The following LUZP1 variants were observed in gnomAD, a reference collection of about 807,000 sequenced individuals.
The protein encoded by LUZP1 is leucine zipper protein 1.
LUZP1 carries 25 observed loss-of-function variants against 71.3 expected under a neutral mutation model. The ratio of observed to expected loss-of-function variants is 0.35; its 90% CI spans 0.26 to 0.49. The LOEUF (loss-of-function observed/expected upper bound fraction) is 0.49, where lower values mean the gene tolerates loss of function less well. LUZP1 is among the 20% of genes least tolerant of loss of function. The pLI is 0.99. For synonymous variants in LUZP1, 481 were observed against 506.4 expected, an observed-to-expected ratio of 0.95 and a Z score of 0.67; for missense variants, 1,142 against 1,300.8, an observed-to-expected ratio of 0.88 and a Z score of 1.88.
intron 2 of LUZP1, among the ~76,000 whole-genome samples, chr1:23,119,177 T>C (rs1025662606): frequency 5.3e-5 from 8 of 152,152 alleles, no homozygotes; most frequent in African/African-American, 1.4e-4. Flanking sequence ...CCTTATTCTT[T>C]TGTACTGCCA....
intron 3 of LUZP1, among the ~76,000 whole-genome samples, chr1:23,108,654 G>T (rs1318299091): frequency 1.3e-5 from 2 of 152,210 alleles, no homozygotes; most frequent in Non-Finnish European, 2.9e-5. Context: ...TACTACTTGT[G>T]TGAACTTGGA....
In LUZP1 at chr1:23,126,900, T is replaced by C. The variant is rs142131937; in HGVS notation, c.-225-17773A>G. Among the ~76,000 whole-genome samples, 220 of 152,364 alleles carry C rather than the reference T, an allele frequency of 1.4e-3. 2 individuals carry two copies. The South Asian group carries it at 0.017, about 12-fold the overall frequency. On this transcript the variant is annotated intron_variant, in intron 2 of 4. Transcript: ENST00000302291. ...GAAGTTTAAATGTCTAGCCTACAGA[T>C]AGATGTTTCCACATGCCTTAAACTC...
At chr1:23,157,276 G>A (rs1557688995) in intron 2 of LUZP1, among the ~76,000 whole-genome samples, 1 of 152,174 alleles carries the variant, frequency 6.6e-6, no homozygotes, top group Non-Finnish European at 1.5e-5. Flanking sequence ...AGGCTGCAGT[G>A]AGCTGTGATC....
chr1:23,164,645 G>A (rs1179709914), intron 2 of LUZP1, among the ~76,000 whole-genome samples: 2 of 152,192 alleles, frequency 1.3e-5, no homozygotes, highest in Admixed American at 6.5e-5. Context: ...AAAGCATACT[G>A]GGAGAAGTTC....
Position 23,170,751 on chromosome 1 carries a change from G to A in LUZP1, c.-484-1727C>T, listed in dbSNP as rs192148152. Among the ~76,000 whole-genome samples, 954 of 152,116 alleles carry A rather than the reference G, an allele frequency of 6.3e-3. 6 individuals are homozygous for A. The highest frequency in any genetic ancestry group is 1.0e-2 in the Non-Finnish European group (680 of 68,006). On this transcript the variant is annotated intron_variant, in intron 1 of 4. Transcript: ENST00000302291. ...GTAAGTGCTAGGATTACAGACGTGA[G>A]CCACCACATCAGGCCCCTGTCATTC...
Position 23,145,613 on chromosome 1 carries a change from G to A in LUZP1, c.-226+23153C>T, listed in dbSNP as rs565033337. Among the ~76,000 whole-genome samples the A allele has an allele frequency of 6.6e-5, 10 of 152,018 alleles. No homozygotes were observed. In the South Asian group the frequency reaches 1.9e-3, roughly 28 times the overall value. ...GCCTCCTGAGTAGGTGGGATTACACGTGCATGCCACCACGCCTGGCTAATT... is the reference window on the plus strand; with the variant it reads ...GCCTCCTGAGTAGGTGGGATTACACATGCATGCCACCACGCCTGGCTAATT... On this transcript the variant is annotated intron_variant, in intron 2 of 4. Transcript: ENST00000302291.
chr1:23,132,226 G>C (rs1569632831), intron 2 of LUZP1, among the ~76,000 whole-genome samples: 1 of 152,156 alleles, frequency 6.6e-6, no homozygotes, highest in Admixed American at 6.5e-5. Context: ...CAGGCAGTGA[G>C]CTAGGCATCA....
exon 1 of LUZP1, chr1:23,177,588 G>C (rs914752542): frequency 1.3e-5 from 2 of 152,622 alleles, no homozygotes; most frequent in Admixed American, 1.3e-4. Context: ...CTCCGTGACG[G>C]GTGGGGCGCT....
chr1:23,101,863 T>G (rs982527577), intron 3 of LUZP1, among the ~76,000 whole-genome samples: 1 of 152,208 alleles, frequency 6.6e-6, no homozygotes, highest in Non-Finnish European at 1.5e-5. Context: ...CAGACATTTA[T>G]AGAACACCTA....
intron 3 of LUZP1, among the ~76,000 whole-genome samples, chr1:23,108,698 G>A (rs1051919092): frequency 2.0e-5 from 3 of 152,196 alleles, no homozygotes; most frequent in Non-Finnish European, 2.9e-5. Context: ...TTGTTTCCTT[G>A]TGGTGATGAC....
chr1:23,117,387 C>T (rs973910729), intron 2 of LUZP1, among the ~76,000 whole-genome samples: 12 of 142,810 alleles, frequency 8.4e-5, no homozygotes, highest in Middle Eastern at 3.9e-3. Context: ...AATGCCTGAA[C>T]GAAAATATAC....
chr1:23,089,197 T>C (rs1049220185), intron 4 of LUZP1, 144 bp from the exon 4 acceptor site: 24 of 724,988 alleles, frequency 3.3e-5, no homozygotes, highest in Admixed American at 5.5e-5. Context: ...TGCAAAGATA[T>C]GCTTTTGCCT....
intron 2 of LUZP1, among the ~76,000 whole-genome samples, chr1:23,139,327 A>C (rs931199697): frequency 2.6e-5 from 4 of 152,086 alleles, no homozygotes; most frequent in African/African-American, 7.2e-5. Context: ...TAAAGTACGC[A>C]AATAATTACA....
exon 4 of LUZP1, chr1:23,091,283 G>T (rs1027754076): frequency 1.2e-6 from 2 of 1,613,972 alleles, no homozygotes; most frequent in East Asian, 4.5e-5. Flanking sequence ...GGCTACTTTG[G>T]GTCCTTCTGG....
chr1:23,107,346 ATC>A (rs753798983), intron 3 of LUZP1, among the ~76,000 whole-genome samples: 14 of 152,160 alleles, frequency 9.2e-5, no homozygotes, highest in Middle Eastern at 3.4e-3. Context: ...ATTCATTTTT[ATC>A]TGTTTCCACC....
chr1:23,177,080 G>GC (rs1644586752), intron 1 of LUZP1, among the ~76,000 whole-genome samples: 2 of 151,600 alleles, frequency 1.3e-5, no homozygotes, highest in South Asian at 4.2e-4. Flanking sequence ...TGATGGGGGG[G>GC]GGGTCTCACT....
intron 3 of LUZP1, among the ~76,000 whole-genome samples, chr1:23,097,357 G>A (rs1374192499): frequency 1.3e-5 from 2 of 152,186 alleles, no homozygotes; most frequent in African/African-American, 2.4e-5. Context: ...AGGGGATAAG[G>A]TTGGGAGCAG....
exon 5 of LUZP1, chr1:23,088,796 T>C (rs1643806677): frequency 2.0e-6 from 3 of 1,478,796 alleles, no homozygotes; most frequent in Non-Finnish European, 2.7e-6. Context: ...CCAAGGCTTG[T>C]GTCTTGCCTG....
chr1:23,091,832 C>A (rs376596340), exon 4 of LUZP1: 1 of 1,614,004 alleles, frequency 6.2e-7, no homozygotes, highest in African/African-American at 1.3e-5. Flanking sequence ...GGGCCTCACC[C>A]GGAGCAGCTC....
Sources: gnomAD v4.1 joint callset for allele counts (sites outside exome capture counted in the v4.1 genomes callset) on GRCh38, gnomAD v4.1.1 for gene constraint, MANE v1.5 for transcripts, NCBI Gene and HGNC (gene_info 2026-07-23, HGNC 2026-07-21) for gene names.